Variants in GRID2 observed in about 807,000 individuals in gnomAD.
GRID2 encodes glutamate receptor ionotropic, delta-2.
A neutral mutation model predicts 114.8 loss-of-function variants in GRID2; 33 were observed. The observed-to-expected ratio is 0.29, with a 90% CI of 0.22 to 0.38. The LOEUF is 0.38. GRID2 is among the 10% of genes least tolerant of loss of function. The pLI is 1.00. For synonymous variants in GRID2, 505 were observed against 449.9 expected (o/e 1.12, Z -1.55); for missense variants, 1,184 against 1,257.7 (o/e 0.94, Z 0.89).
intron 13 of GRID2, among the ~76,000 whole-genome samples, chr4:93,517,504 T>G (rs1729852686): frequency 6.6e-6 from 1 of 152,054 alleles, no homozygotes; most frequent in African/African-American, 2.4e-5. Flanking sequence ...AAGTGAAATT[T>G]GTTTGTACTA....
intron 4 of GRID2, among the ~76,000 whole-genome samples, chr4:93,180,124 G>T (rs970794838): frequency 6.6e-6 from 1 of 151,890 alleles, no homozygotes; most frequent in Non-Finnish European, 1.5e-5. Flanking sequence ...TGCTATACTT[G>T]CCCCCACAGT....
intron 2 of GRID2, among the ~76,000 whole-genome samples, chr4:92,930,578 ATTT>A (rs35741890): frequency 5.0e-5 from 6 of 119,494 alleles, no homozygotes; most frequent in African/African-American, 1.3e-4. Context: ...CACTTTCGGC[ATTT>A]TTTTTTTTTT....
intron 2 of GRID2, among the ~76,000 whole-genome samples, chr4:92,743,118 C>A (rs1180627289): frequency 6.6e-6 from 1 of 152,070 alleles, no homozygotes. Flanking sequence ...TCCTACAAAA[C>A]ATACAAAAAT....
intron 2 of GRID2, among the ~76,000 whole-genome samples, chr4:92,836,105 T>A (rs1742437995): frequency 6.6e-6 from 1 of 152,170 alleles, no homozygotes; most frequent in Non-Finnish European, 1.5e-5. Flanking sequence ...ACAGAGCTAC[T>A]GCCATTTATT....
chr4:92,578,371 TG>T, intron 1 of GRID2, among the ~76,000 whole-genome samples: 1 of 148,554 alleles, frequency 6.7e-6, no homozygotes, highest in East Asian at 2.0e-4. Context: ...ATGAAGTGTT[TG>T]GTTTTTTGTC....
chr4:92,427,305 T>C (rs1411785644), intron 1 of GRID2, among the ~76,000 whole-genome samples: 1 of 152,084 alleles, frequency 6.6e-6, no homozygotes, highest in African/African-American at 2.4e-5. Flanking sequence ...CTAAAACGTA[T>C]GACAAATATA....
chr4:92,662,524 C>G (rs1732569453), intron 2 of GRID2, among the ~76,000 whole-genome samples: 1 of 150,786 alleles, frequency 6.6e-6, no homozygotes, highest in Non-Finnish European at 1.5e-5. Context: ...TACTTTGAAT[C>G]ATTGTCTCTA....
At chr4:92,734,406 T>G (rs1203433086) in intron 2 of GRID2, among the ~76,000 whole-genome samples, 1 of 151,960 alleles carries the variant, frequency 6.6e-6, no homozygotes, top group Non-Finnish European at 1.5e-5. Context: ...CTCAGCCTCC[T>G]GAGAATCTGA....
At position 93,626,378 on chromosome 4, in the gene GRID2, G is replaced by T. The variant is rs758779402; in HGVS notation, c.2303G>T (p.Arg768Leu). 52 of 1,611,202 alleles carry T rather than the reference G, an allele frequency of 3.2e-5. No individual in the cohort carries two copies. Among genetic ancestry groups the T allele is most frequent in the Non-Finnish European group, 4.3e-5 (51 of 1,177,726 alleles). The stretch of plus-strand genomic sequence containing the variant: ...ACCATTGGAAATACTGTTGCTGATC[G>T]GGGATATGGAATTGCATTACAACAT... ...FYTIGNTVAD[R>L]GYGIALQHGS... The change falls in exon 14 of 16, where the codon CGG (arginine) becomes CTG (leucine). Residue 768 changes from arginine to leucine, a missense_variant. Arg to Leu is a moderately radical substitution (Grantham distance 102, BLOSUM62 -2). Coordinates refer to ENST00000282020, the MANE Select transcript of GRID2 (RefSeq NM_001510.4).
chr4:93,735,868 T>C (rs1474683511), intron 14 of GRID2, among the ~76,000 whole-genome samples: 2 of 152,042 alleles, frequency 1.3e-5, no homozygotes, highest in Non-Finnish European at 2.9e-5. Flanking sequence ...TTGATGTTGT[T>C]ATTGCTGTTC....
At chr4:93,588,515 A>G (rs1459348730) in intron 13 of GRID2, among the ~76,000 whole-genome samples, 1 of 152,164 alleles carries the variant, frequency 6.6e-6, no homozygotes, top group Non-Finnish European at 1.5e-5. Context: ...TGCAGTAACT[A>G]TTCAAGGGAG....
chr4:92,376,389 C>G (rs1440589218), intron 1 of GRID2, among the ~76,000 whole-genome samples: 5 of 152,142 alleles, frequency 3.3e-5, no homozygotes, highest in South Asian at 2.1e-4. Flanking sequence ...GAGATGGGTT[C>G]CTATGGTCTT....
chr4:92,479,487 T>C (rs1722477170), intron 1 of GRID2, among the ~76,000 whole-genome samples: 1 of 152,200 alleles, frequency 6.6e-6, no homozygotes, highest in Non-Finnish European at 1.5e-5. Flanking sequence ...TGTAGCATTT[T>C]CAATACCTCC....
In GRID2 at chr4:92,856,389, A is replaced by C. The variant is rs1471935367; in HGVS notation, c.245-228606A>C. 2.6e-5 allele frequency among the ~76,000 whole-genome samples: 4 copies of C among 152,222 alleles called. No individual in the cohort carries two copies. The East Asian group carries it at 5.8e-4, about 22-fold the overall frequency. Reference sequence around the variant, plus strand: ...TTTGGTCTTTCCATTCTTAACAAGCAATATGCCTAAATTTAAACAGTATAC... The same window carrying C: ...TTTGGTCTTTCCATTCTTAACAAGCCATATGCCTAAATTTAAACAGTATAC... On this transcript the variant is annotated intron_variant, in intron 2 of 15. Transcript: ENST00000282020.
intron 4 of GRID2, among the ~76,000 whole-genome samples, chr4:93,184,858 G>T (rs374425102): frequency 6.6e-6 from 1 of 152,002 alleles, no homozygotes; most frequent in Non-Finnish European, 1.5e-5. Context: ...CTCCAGCCTG[G>T]GCAACAGAGC....
chr4:93,406,381 C>A lies in GRID2; in HGVS notation c.1347+10673C>A, dbSNP rs1331125821. Among the ~76,000 whole-genome samples, 3 of 152,048 alleles carry A rather than the reference C, an allele frequency of 2.0e-5. No homozygotes were observed. The East Asian group carries it at 5.8e-4, about 29-fold the overall frequency. On this transcript the variant is annotated intron_variant, in intron 9 of 15. Coordinates refer to ENST00000282020, the MANE Select transcript of GRID2 (RefSeq NM_001510.4). ...GAACTTGTCAGCCTCACTGAGTTTACGAAGTAGAGATCAGAGGGTGAGAAA... is the reference window on the plus strand; with the variant it reads ...GAACTTGTCAGCCTCACTGAGTTTAAGAAGTAGAGATCAGAGGGTGAGAAA...
chr4:92,444,369 C>G (rs62312213), intron 1 of GRID2, among the ~76,000 whole-genome samples: 21,531 of 144,948 alleles, frequency 0.15, 1,850 homozygotes, highest in South Asian at 0.22. Context: ...AAATTACAGT[C>G]AAAGGGGGTT....
intron 1 of GRID2, among the ~76,000 whole-genome samples, chr4:92,446,222 C>T (rs1377163269): frequency 6.6e-6 from 1 of 152,204 alleles, no homozygotes; most frequent in East Asian, 1.9e-4. Flanking sequence ...GCTGGGATTA[C>T]AGGCCTGAGC....
chr4:93,190,571 T>C (rs1740884127), intron 4 of GRID2, among the ~76,000 whole-genome samples: 1 of 152,154 alleles, frequency 6.6e-6, no homozygotes, highest in African/African-American at 2.4e-5. Flanking sequence ...TTTTCTTGGC[T>C]CTCAATAACA....
Sources: allele counts gnomAD v4.1 joint callset (sites outside exome capture counted in the v4.1 genomes callset), GRCh38; gene constraint gnomAD v4.1.1; transcripts MANE v1.5; gene names NCBI Gene and HGNC (gene_info 2026-07-23, HGNC 2026-07-21).